The following PDE4D variants were observed in gnomAD, a reference collection of about 807,000 sequenced individuals.
PDE4D encodes 3',5'-cyclic-AMP phosphodiesterase 4D.
In PDE4D, 24 loss-of-function variants were observed where a neutral mutation model predicts 87.4. The ratio of observed to expected loss-of-function variants is 0.27; its 90% CI spans 0.20 to 0.39. The LOEUF is 0.39. PDE4D is among the 10% of genes least tolerant of loss of function. The pLI, the probability that PDE4D is intolerant of heterozygous loss-of-function variation, is 1.00. For synonymous variants in PDE4D, 384 were observed against 383.2 expected, an observed-to-expected ratio of 1.00 and a Z score of -0.02; for missense variants, 714 against 1,041.0, an observed-to-expected ratio of 0.69 and a Z score of 4.32.
At chr5:60,455,314 T>C (rs1384581390) in intron 1 of PDE4D, among the ~76,000 whole-genome samples, 1 of 152,096 alleles carries the variant, frequency 6.6e-6, no homozygotes, top group Non-Finnish European at 1.5e-5. Flanking sequence ...TCATATGTTA[T>C]CAATAAAAAT....
At chr5:60,132,317 T>A (rs1477248100) in intron 2 of PDE4D, among the ~76,000 whole-genome samples, 1 of 152,192 alleles carries the variant, frequency 6.6e-6, no homozygotes, top group Non-Finnish European at 1.5e-5. Flanking sequence ...TCCCTGTATA[T>A]TTTAGAAATT....
chr5:59,780,494 T>C (rs1764508839), intron 1 of PDE4D, among the ~76,000 whole-genome samples: 1 of 152,228 alleles, frequency 6.6e-6, no homozygotes, highest in Non-Finnish European at 1.5e-5. Flanking sequence ...AAGCATTAAC[T>C]TTCTTTTTCG....
chr5:60,007,064 C>A (rs1016313395), intron 2 of PDE4D, among the ~76,000 whole-genome samples: 1 of 151,900 alleles, frequency 6.6e-6, no homozygotes, highest in Non-Finnish European at 1.5e-5. Flanking sequence ...GCTAGACCTT[C>A]ACAATAAAAG....
intron 1 of PDE4D, among the ~76,000 whole-genome samples, chr5:60,418,386 G>A (rs1197434680): frequency 7.9e-5 from 12 of 152,066 alleles, no homozygotes; most frequent in Admixed American, 7.9e-4. Flanking sequence ...CTTTTAAAAT[G>A]GATATTATCA....
At chr5:59,506,911 A>C (rs1369715949) in intron 1 of PDE4D, among the ~76,000 whole-genome samples, 3 of 152,240 alleles carry the variant, frequency 2.0e-5, no homozygotes, top group African/African-American at 7.2e-5. Flanking sequence ...CTCATAATCA[A>C]GCAATTCCAC....
intron 1 of PDE4D, among the ~76,000 whole-genome samples, chr5:59,439,640 A>G (rs1797301235): frequency 6.6e-6 from 1 of 152,214 alleles, no homozygotes; most frequent in South Asian, 2.1e-4. Flanking sequence ...GGACATAGTA[A>G]GTAAAATATA....
chr5:60,501,877 A>T (rs917519188), intron 1 of PDE4D, among the ~76,000 whole-genome samples: 3 of 151,812 alleles, frequency 2.0e-5, no homozygotes, highest in African/African-American at 7.3e-5. Flanking sequence ...AATTTGTTCG[A>T]GTTCATTGTA....
At chr5:60,068,726 G>A (rs1772390986) in intron 2 of PDE4D, among the ~76,000 whole-genome samples, 1 of 151,960 alleles carries the variant, frequency 6.6e-6, no homozygotes, top group African/African-American at 2.4e-5. Flanking sequence ...CCTCCCAAGT[G>A]GCTGGTACTA....
intron 1 of PDE4D, among the ~76,000 whole-genome samples, chr5:59,573,956 C>G (rs1435635169): frequency 2.2e-5 from 3 of 137,340 alleles, no homozygotes; most frequent in African/African-American, 8.5e-5. Context: ...TGACATCACA[C>G]CACTGCACTC....
At chr5:59,231,980 C>G (rs1454008495) in intron 1 of PDE4D, among the ~76,000 whole-genome samples, 1 of 152,180 alleles carries the variant, frequency 6.6e-6, no homozygotes, top group Non-Finnish European at 1.5e-5. Flanking sequence ...TACAGAGGAT[C>G]AGCTCAAGTG....
intron 6 of PDE4D, among the ~76,000 whole-genome samples, chr5:59,026,463 A>G (rs979501731): frequency 6.6e-6 from 1 of 152,250 alleles, no homozygotes; most frequent in Non-Finnish European, 1.5e-5. Flanking sequence ...TTATGTGACT[A>G]ACTACAAAAT....
chr5:60,340,093 C>T (rs1758173259), intron 1 of PDE4D, among the ~76,000 whole-genome samples: 1 of 152,194 alleles, frequency 6.6e-6, no homozygotes, highest in African/African-American at 2.4e-5. Context: ...TAAAAACTGG[C>T]ACAAAGCATC....
chr5:59,553,744 CATA>C (rs761889642), intron 1 of PDE4D, among the ~76,000 whole-genome samples: 151 of 152,064 alleles, frequency 9.9e-4, no homozygotes, highest in Non-Finnish European at 1.6e-3. Context: ...ATTAACAGGG[CATA>C]ATAAGCTATA....
At chr5:60,520,819 A>T (rs562792080) in intron 1 of PDE4D, among the ~76,000 whole-genome samples, 1 of 152,230 alleles carries the variant, frequency 6.6e-6, no homozygotes, top group African/African-American at 2.4e-5. Flanking sequence ...AGTCCTAAAG[A>T]TTCCCCCAAA....
chr5:60,403,583 G>C (rs1189524772), intron 1 of PDE4D, among the ~76,000 whole-genome samples: 2 of 152,210 alleles, frequency 1.3e-5, no homozygotes, highest in Non-Finnish European at 2.9e-5. Flanking sequence ...TGCCTTGTCT[G>C]ACTTAATCAT....
At chr5:59,113,843 A>G (rs967395074) in intron 5 of PDE4D, among the ~76,000 whole-genome samples, 6 of 152,182 alleles carry the variant, frequency 3.9e-5, no homozygotes, top group Non-Finnish European at 8.8e-5. Flanking sequence ...ATTTGTGGTG[A>G]GGATTATGCA....
intron 1 of PDE4D, among the ~76,000 whole-genome samples, chr5:59,836,735 A>G (rs1229294175): frequency 2.0e-5 from 3 of 152,006 alleles, no homozygotes; most frequent in Admixed American, 2.0e-4. Context: ...AGATATCTAG[A>G]GATAGAGCAA....
At chr5:59,467,504 A>C (rs1023138409) in intron 1 of PDE4D, among the ~76,000 whole-genome samples, 1 of 152,226 alleles carries the variant, frequency 6.6e-6, no homozygotes, top group African/African-American at 2.4e-5. Flanking sequence ...TTCATCTTAA[A>C]TGTTAATGTA....
At chr5:60,055,591 T>C (rs1050758323) in intron 2 of PDE4D, among the ~76,000 whole-genome samples, 1 of 152,150 alleles carries the variant, frequency 6.6e-6, no homozygotes, top group African/African-American at 2.4e-5. Flanking sequence ...CGTGACTGCA[T>C]ACTATAAGAT....
Sources: allele counts gnomAD v4.1 joint callset (sites outside exome capture counted in the v4.1 genomes callset), GRCh38; gene constraint gnomAD v4.1.1; transcripts MANE v1.5; gene names NCBI Gene and HGNC (gene_info 2026-07-23, HGNC 2026-07-21).